ADGRL1: variants seen among roughly 807,000 people sequenced by gnomAD.
The protein encoded by ADGRL1 is adhesion G protein-coupled receptor L1.
ADGRL1 carries 31 observed loss-of-function variants against 148.9 expected under a neutral mutation model. That is an observed-to-expected ratio of 0.21 (90% confidence interval 0.16 to 0.28). The LOEUF is 0.28. ADGRL1 is among the 10% of genes least tolerant of loss of function. The pLI is 1.00. For synonymous variants in ADGRL1, 937 were observed against 900.3 expected, an observed-to-expected ratio of 1.04 and a Z score of -0.73; for missense variants, 1,521 against 2,058.8, an observed-to-expected ratio of 0.74 and a Z score of 5.05.
In ADGRL1 at chr19:14,151,568, G is replaced by C. The variant is rs899765005; in HGVS notation, c.3715C>G (p.Leu1239Val). 1 of 1,609,516 alleles carries C rather than the reference G, an allele frequency of 6.2e-7. No homozygotes were observed. The highest frequency in any genetic ancestry group is 1.3e-5 in the African/African-American group (1 of 75,030). Residue 1239 changes from leucine to valine, a missense_variant, in exon 23 of 23, where the codon CTG becomes GTG. By Grantham distance (32) the Leu-to-Val change is conservative. This residue lies in a region of ADGRL1 where 390 missense variants were observed against 375.0 expected (regional missense o/e 1.04). Coordinates refer to ENST00000361434, the MANE Select transcript of ADGRL1 (RefSeq NM_014921.5). ...TAACTGTTATTGAAGTTGCCGTTCA[G>C]GGGCAGGGTGTCCATGCCACAGGCT... ...REACGMDTLP[L>V]NGNFNNSYSL...
At chr19:14,165,437 G>T (rs1568592025) in intron 4 of ADGRL1, among the ~76,000 whole-genome samples, 2 of 152,274 alleles carry the variant, frequency 1.3e-5, no homozygotes, top group South Asian at 2.1e-4. Flanking sequence ...TGCTCAGAGG[G>T]TGTCAGGGGG....
intron 1 of ADGRL1, among the ~76,000 whole-genome samples, chr19:14,196,717 C>A (rs1462657050): frequency 1.3e-5 from 2 of 152,310 alleles, no homozygotes; most frequent in African/African-American, 2.4e-5. Context: ...CCCCAGATCC[C>A]CTCACAGCTC....
In ADGRL1 at chr19:14,150,863, T is replaced by C; in HGVS notation, c.*10A>G. 6.2e-7 allele frequency: 1 copy of C among 1,610,786 alleles called. No homozygotes were observed. Among genetic ancestry groups the C allele is most frequent in the Non-Finnish European group, 8.5e-7 (1 of 1,179,094 alleles). On this transcript the variant is annotated 3_prime_UTR_variant, in exon 23 of 23. Coordinates refer to ENST00000361434, the MANE Select transcript of ADGRL1 (RefSeq NM_014921.5). ...GCCTGGGCCACCAGCCCCTGGTCCA[T>C]GAGGTGCCCTCAGAGACTGGTGACC...
rs1390250994 is a variant in ADGRL1 at position 14,149,897 on chromosome 19, C to T, written c.*976G>A. ...CCGGGCCGCAGGCTCCCGGTGGCTTCAAGTGATGAGATTTTTTTTCTTTTC... is the reference window on the plus strand; with the variant it reads ...CCGGGCCGCAGGCTCCCGGTGGCTTTAAGTGATGAGATTTTTTTTCTTTTC... On this transcript the variant is annotated 3_prime_UTR_variant, in exon 23 of 23. Coordinates refer to ENST00000361434, the MANE Select transcript of ADGRL1 (RefSeq NM_014921.5). The T allele has an allele frequency of 6.7e-6, 1 of 150,228 alleles. No individual in the cohort carries two copies. Among genetic ancestry groups the T allele is most frequent in the Non-Finnish European group, 1.5e-5 (1 of 67,430 alleles). The allele number at this position is 150,228 out of a possible 1,614,324, so 9.3% of individuals were successfully genotyped here.
At chr19:14,178,694 T>C (rs1349467858) in intron 2 of ADGRL1, among the ~76,000 whole-genome samples, 2 of 152,112 alleles carry the variant, frequency 1.3e-5, no homozygotes, top group Non-Finnish European at 2.9e-5. Flanking sequence ...TTTTTTACAT[T>C]GTTTCATAGA....
At chr19:14,172,600 CG>C (rs996534139) in intron 3 of ADGRL1, among the ~76,000 whole-genome samples, 2 of 151,840 alleles carry the variant, frequency 1.3e-5, no homozygotes, top group African/African-American at 4.8e-5. Flanking sequence ...ATTAGCCAGG[CG>C]TGGTGGGGCG....
intron 1 of ADGRL1, among the ~76,000 whole-genome samples, chr19:14,189,205 C>T (rs1267236467): frequency 3.3e-5 from 5 of 150,156 alleles, no homozygotes; most frequent in East Asian, 3.9e-4. Flanking sequence ...GAGTCACAGG[C>T]TATGTGGCCT....
intron 3 of ADGRL1, among the ~76,000 whole-genome samples, chr19:14,176,594 T>C (rs1970843511): frequency 6.6e-6 from 1 of 151,896 alleles, no homozygotes; most frequent in African/African-American, 2.4e-5. Flanking sequence ...CCCAGCGCTT[T>C]GAGAGGCCGA....
chr19:14,151,664 A>G, intron 22 of ADGRL1, 49 bp from the exon 23 acceptor site: 1 of 1,517,446 alleles, frequency 6.6e-7, no homozygotes, highest in Non-Finnish European at 8.8e-7. Flanking sequence ...CCCTGGATGC[A>G]CTAGGGGACA....
intron 4 of ADGRL1, chr19:14,167,141 C>A: frequency 1.0e-6 from 1 of 957,006 alleles, no homozygotes; most frequent in South Asian, 1.4e-5. Flanking sequence ...TCTGGCAACA[C>A]GCCCCCTTTT....
At position 14,152,646 on chromosome 19, in the gene ADGRL1, T is replaced by C; in HGVS notation, c.3424-33A>G. ...CACAACCCAAATGTGAGGGGATCCT[T>C]GGGCCACCCACCCTCTGGCGTCTTT... On this transcript the variant is annotated intron_variant, in intron 19 of 22. Coordinates refer to ENST00000361434, the MANE Select transcript of ADGRL1 (RefSeq NM_014921.5). The surrounding 1 kb of genome is among the most constrained non-coding windows in gnomAD (Gnocchi z 6.1). 2 of 1,607,880 alleles carry C rather than the reference T, an allele frequency of 1.2e-6. No homozygotes were observed. The highest frequency in any genetic ancestry group is 1.7e-4 in the Middle Eastern group (1 of 6,056).
Position 14,187,843 on chromosome 19 carries a change from G to T in ADGRL1, c.-95-4146C>A, listed in dbSNP as rs181443764. On this transcript the variant is annotated intron_variant, in intron 1 of 22. Transcript: ENST00000361434. Reference sequence around the variant, plus strand: ...CACAGAAAGGTTCAGGGGAGGCAGTGTCCCCAAGCTGAGGATACTCCCCTC... The same window carrying T: ...CACAGAAAGGTTCAGGGGAGGCAGTTTCCCCAAGCTGAGGATACTCCCCTC... 6.9e-4 allele frequency among the ~76,000 whole-genome samples: 105 copies of T among 152,150 alleles called. 2 individuals carry two copies. The South Asian group carries it at 0.017, about 24-fold the overall frequency.
intron 12 of ADGRL1, 86 bp from the exon 13 acceptor site, chr19:14,158,138 G>T: frequency 7.0e-7 from 1 of 1,431,694 alleles, no homozygotes; most frequent in Non-Finnish European, 9.7e-7. Context: ...CAACAGGGAT[G>T]GTACCAAGTA....
At position 14,157,464 on chromosome 19, in the gene ADGRL1, G is replaced by A. The variant is rs773526538; in HGVS notation, c.2536-4C>T. The A allele has an allele frequency of 1.2e-6, 2 of 1,613,380 alleles. No individual in the cohort carries two copies. The highest frequency in any genetic ancestry group is 4.5e-5 in the East Asian group (2 of 44,894). ...GCTCGTTGATGCGGCCCTGGTACTG[G>A]GGACAGGAACAGGGGGCACGCTCAG... On this transcript the variant is annotated splice_polypyrimidine_tract_variant and splice_region_variant and intron_variant, in intron 13 of 22. Transcript: ENST00000361434. The surrounding 1 kb of genome is among the most constrained non-coding windows in gnomAD (Gnocchi z 7.5).
intron 4 of ADGRL1, among the ~76,000 whole-genome samples, chr19:14,167,494 C>A (rs1253180719): frequency 1.3e-5 from 2 of 152,132 alleles, no homozygotes; most frequent in Non-Finnish European, 2.9e-5. Context: ...TCCCACCCTG[C>A]CTGCTGCCCT....
intron 1 of ADGRL1, among the ~76,000 whole-genome samples, chr19:14,205,672 G>C (rs1489939042): frequency 6.6e-6 from 1 of 151,348 alleles, no homozygotes; most frequent in Non-Finnish European, 1.5e-5. Flanking sequence ...GGCACACGCA[G>C]CCACGCGCGG....
intron 2 of ADGRL1, among the ~76,000 whole-genome samples, chr19:14,178,084 T>C (rs1455815547): frequency 6.6e-6 from 1 of 152,184 alleles, no homozygotes; most frequent in African/African-American, 2.4e-5. Context: ...AAAATTCATA[T>C]GCTGAAGTCC....
At chr19:14,184,315 C>T (rs1010291650) in intron 1 of ADGRL1, among the ~76,000 whole-genome samples, 12 of 152,124 alleles carry the variant, frequency 7.9e-5, no homozygotes, top group Non-Finnish European at 5.9e-5. Flanking sequence ...ACACTGCCTC[C>T]CCCTCTGGGG....
intron 1 of ADGRL1, among the ~76,000 whole-genome samples, chr19:14,201,322 T>TTG (rs1207986007): frequency 1.2e-5 from 1 of 81,790 alleles, no homozygotes; most frequent in Non-Finnish European, 2.5e-5. Context: ...TTTGGCGGGG[T>TTG]GGGGGGGGGC....
Sources: gnomAD v4.1 joint callset for allele counts (sites outside exome capture counted in the v4.1 genomes callset) on GRCh38, gnomAD v4.1.1 for gene constraint, gnomAD v4.1.1 regional missense constraint, Gnocchi (gnomAD v3.1) non-coding constraint, MANE v1.5 for transcripts, NCBI Gene and HGNC (gene_info 2026-07-23, HGNC 2026-07-21) for gene names.